The following PRR14L variants were observed in gnomAD, a reference collection of about 807,000 sequenced individuals.
PRR14L encodes proline rich 14 like.
Under a neutral mutation model 155.0 loss-of-function variants are expected in PRR14L, and 80 were observed. That is an observed-to-expected ratio of 0.52 (90% CI 0.43 to 0.62). PRR14L has a LOEUF of 0.62. PRR14L is among the 20% of genes least tolerant of loss of function. PRR14L has a pLI of 0.00. For missense variants in PRR14L, 2,469 were observed against 2,548.0 expected (o/e 0.97, Z 0.67); for synonymous variants, 883 against 916.0 (o/e 0.96, Z 0.65).
At position 31,714,879 on chromosome 22, in the gene PRR14L, T is replaced by C. The variant is rs750557735; in HGVS notation, c.2960A>G (p.Gln987Arg). Reference sequence around the variant, plus strand: ...ACTACTTAGCATCTCCTTGGCTGACTGACCTTCACTTTTGCATTCATCTGG... The same window carrying C: ...ACTACTTAGCATCTCCTTGGCTGACCGACCTTCACTTTTGCATTCATCTGG... ...NRPDECKSEGQSAKEMLSSDQ... is the reference protein window; with the variant it reads ...NRPDECKSEGRSAKEMLSSDQ... The change falls in exon 4 of 9, where the codon CAG becomes CGG. Residue 987 changes from glutamine (Q) to arginine (R), a missense_variant. This residue lies in a region of PRR14L where 2,363 missense variants were observed against 2,371.6 expected (regional missense o/e 1.00). Transcript: ENST00000327423. 7.1e-6 allele frequency: 11 copies of C among 1,551,880 alleles called. No homozygotes were observed. The highest frequency in any genetic ancestry group is 9.6e-6 in the Non-Finnish European group (11 of 1,147,052).
rs988943069 is a variant in PRR14L at position 31,714,878 on chromosome 22, C to T, written c.2961G>A (p.Gln987=). The T allele has an allele frequency of 6.4e-7, 1 of 1,551,964 alleles. No individual in the cohort carries two copies. The highest frequency in any genetic ancestry group is 2.4e-5 in the East Asian group (1 of 40,928). ...NRPDECKSEG[Q]SAKEMLSSDQ... is the part of the protein sequence containing the mutation. ...CACTACTTAGCATCTCCTTGGCTGACTGACCTTCACTTTTGCATTCATCTG... is the reference window on the plus strand; with the variant it reads ...CACTACTTAGCATCTCCTTGGCTGATTGACCTTCACTTTTGCATTCATCTG... Residue 987 remains glutamine, a synonymous_variant, in exon 4 of 9, where the codon CAG becomes CAA. Transcript: ENST00000327423.
intron 4 of PRR14L, among the ~76,000 whole-genome samples, chr22:31,710,072 C>T (rs557276289): frequency 4.6e-5 from 7 of 152,222 alleles, no homozygotes; most frequent in African/African-American, 1.7e-4. Flanking sequence ...TTTTGAGTAG[C>T]TGGGACTACA....
Position 31,681,835 on chromosome 22 carries a change from G to C in PRR14L, c.*3692C>G, listed in dbSNP as rs2074455321. On this transcript the variant is annotated 3_prime_UTR_variant, in exon 9 of 9. Transcript: ENST00000327423. ...GGAGCCCTTTTCTGACACGAATCCA[G>C]GAAAGGATACTCTGCACTTCTGGCC... is the stretch of plus-strand genomic sequence containing the variant. 6.6e-6 allele frequency: 1 copy of C among 152,150 alleles called. No individual in the cohort carries two copies. The highest frequency in any genetic ancestry group is 6.6e-5 in the Admixed American group (1 of 15,260). 9.4% of individuals were successfully genotyped at this position (152,150 alleles called of 1,614,324 possible).
intron 7 of PRR14L, among the ~76,000 whole-genome samples, chr22:31,700,791 T>C (rs949510522): frequency 1.3e-5 from 2 of 152,050 alleles, no homozygotes; most frequent in African/African-American, 4.8e-5. Flanking sequence ...CCTGACCTTG[T>C]GATCCACCCG....
chr22:31,703,208 G>C (rs2147857882), intron 6 of PRR14L, among the ~76,000 whole-genome samples: 1 of 152,296 alleles, frequency 6.6e-6, no homozygotes, highest in South Asian at 2.1e-4. Flanking sequence ...ATGAAAGTTT[G>C]CAACTGTTGA....
rs377526259 is a variant in PRR14L at position 31,716,945 on chromosome 22, C to T, written c.894G>A (p.Glu298=). The part of the protein sequence containing the change: ...AISNVDNGKE[E]LCKPNLVCEA... ...CACAGACCAGGTTTGGTTTACACAACTCTTCCTTCCCATTGTCCACATTAG... is the reference window on the plus strand; with the variant it reads ...CACAGACCAGGTTTGGTTTACACAATTCTTCCTTCCCATTGTCCACATTAG... Residue 298 remains glutamate (E), a synonymous_variant, in exon 4 of 9, where the codon GAG becomes GAA. Transcript: ENST00000327423. 1.9e-6 allele frequency: 3 copies of T among 1,552,004 alleles called. No homozygotes were observed. Among genetic ancestry groups the T allele is most frequent in the Admixed American group, 2.0e-5 (1 of 51,012 alleles).
rs1352080769 is a variant in PRR14L at position 31,682,432 on chromosome 22, T to C, written c.*3095A>G. ...CGTACCTCCCTCAGCTACTGTAGCT[T>C]AGAGTAAGGTCAGTAAGAAAAAGTG... On this transcript the variant is annotated 3_prime_UTR_variant, in exon 9 of 9. Coordinates refer to ENST00000327423, the MANE Select transcript of PRR14L (RefSeq NM_173566.3). 3 of 152,028 alleles carry C rather than the reference T, an allele frequency of 2.0e-5. No individual in the cohort carries two copies. Among genetic ancestry groups the C allele is most frequent in the Non-Finnish European group, 2.9e-5 (2 of 68,018 alleles). 9.4% of individuals were successfully genotyped at this position (152,028 alleles called of 1,614,324 possible). A position where few individuals can be genotyped will look rare whatever the true frequency, so the allele number is the denominator to read the frequency against.
intron 1 of PRR14L, among the ~76,000 whole-genome samples, chr22:31,745,622 G>C (rs1379631498): frequency 4.6e-5 from 7 of 151,660 alleles, no homozygotes; most frequent in Non-Finnish European, 1.0e-4. Context: ...GAGGCGGGTA[G>C]ATCACTTGAG....
intron 6 of PRR14L, 136 bp from the exon 7 acceptor site, chr22:31,701,898 C>A: frequency 1.6e-6 from 1 of 631,250 alleles, no homozygotes; most frequent in East Asian, 2.9e-5. Context: ...GCCTTGAATT[C>A]CTGGACTCAA....
At chr22:31,699,375 G>A (rs1277095028) in intron 7 of PRR14L, among the ~76,000 whole-genome samples, 3 of 152,112 alleles carry the variant, frequency 2.0e-5, no homozygotes, top group Non-Finnish European at 2.9e-5. Context: ...GGCACTATTG[G>A]GTTATTAAGA....
chr22:31,735,897 C>G (rs926150805), intron 2 of PRR14L, among the ~76,000 whole-genome samples: 1 of 151,432 alleles, frequency 6.6e-6, no homozygotes, highest in African/African-American at 2.4e-5. Context: ...TAAAAAATAC[C>G]AAAAAATTAG....
At chr22:31,688,554 C>T (rs1013468210) in intron 7 of PRR14L, among the ~76,000 whole-genome samples, 1 of 152,156 alleles carries the variant, frequency 6.6e-6, no homozygotes, top group African/African-American at 2.4e-5. Flanking sequence ...AGATGTGTCT[C>T]ATGCAAACAA....
At chr22:31,746,728 C>A (rs1435945371) in intron 1 of PRR14L, among the ~76,000 whole-genome samples, 3 of 151,500 alleles carry the variant, frequency 2.0e-5, no homozygotes, top group Non-Finnish European at 4.4e-5. Context: ...AGTAGAAATT[C>A]TTTTACGTTG....
chr22:31,739,600 G>A (rs566427496), intron 1 of PRR14L, among the ~76,000 whole-genome samples: 1 of 152,258 alleles, frequency 6.6e-6, no homozygotes, highest in Non-Finnish European at 1.5e-5. Flanking sequence ...AACCCTTTGA[G>A]CTAAGTAGGG....
chr22:31,711,865 C>T (rs572983857), intron 4 of PRR14L, among the ~76,000 whole-genome samples: 62 of 146,912 alleles, frequency 4.2e-4, no homozygotes, highest in African/African-American at 1.5e-3. Flanking sequence ...GTGTGAAATA[C>T]AGAAGTAGGT....
Position 31,716,226 on chromosome 22 carries a change from G to A in PRR14L, c.1613C>T (p.Thr538Ile). ...GCTGACTAAGGAGTTACAGTCTTTAGTGTAAAAAGATTTACTTAATATATT... is the reference window on the plus strand; with the variant it reads ...GCTGACTAAGGAGTTACAGTCTTTAATGTAAAAAGATTTACTTAATATATT... ...EPNILSKSFY[T>I]KDCNSLVSIQ... The change falls in exon 4 of 9, where the codon ACT becomes ATT. Residue 538 changes from threonine (T) to isoleucine (I), a missense_variant. This residue lies in a region of PRR14L where 2,363 missense variants were observed against 2,371.6 expected (regional missense o/e 1.00). Coordinates refer to ENST00000327423, the MANE Select transcript of PRR14L (RefSeq NM_173566.3). 1 of 1,551,426 alleles carries A rather than the reference G, an allele frequency of 6.4e-7. No homozygotes were observed.
chr22:31,713,559 T>A lies in PRR14L; in HGVS notation c.4280A>T (p.Asp1427Val). 6.4e-7 allele frequency: 1 copy of A among 1,552,146 alleles called. No homozygotes were observed. Among genetic ancestry groups the A allele is most frequent in the Non-Finnish European group, 8.7e-7 (1 of 1,147,074 alleles). The change falls in exon 4 of 9, where the codon GAT (aspartate) becomes GTT (valine). Residue 1427 changes from aspartate (D) to valine (V), a missense_variant. This residue lies in a region of PRR14L where 2,363 missense variants were observed against 2,371.6 expected (regional missense o/e 1.00). Transcript: ENST00000327423. ...CTTCGGTTGGTTCTGATTTTGTGCA[T>A]CATCTAACAACAGACTAGATGATAT... The part of the protein sequence containing the change: ...QCISSSLLLD[D>V]AQNQNQPKAD...
intron 2 of PRR14L, among the ~76,000 whole-genome samples, chr22:31,737,101 C>T (rs905277345): frequency 1.3e-5 from 2 of 151,196 alleles, no homozygotes; most frequent in Non-Finnish European, 2.9e-5. Flanking sequence ...TACTACGTGG[C>T]CCCTGATAGA....
chr22:31,708,177 C>A (rs556015800), intron 4 of PRR14L, among the ~76,000 whole-genome samples: 2 of 151,948 alleles, frequency 1.3e-5, no homozygotes, highest in Non-Finnish European at 2.9e-5. Context: ...AAAACAAAAA[C>A]TGTAGGACAT....
Sources: allele counts gnomAD v4.1 joint callset (sites outside exome capture counted in the v4.1 genomes callset), GRCh38; gene constraint gnomAD v4.1.1; regional missense constraint gnomAD v4.1.1; transcripts MANE v1.5; gene names NCBI Gene and HGNC (gene_info 2026-07-23, HGNC 2026-07-21).